The following SOX5 variants were observed in gnomAD, a reference collection of about 807,000 sequenced individuals.
SOX5 encodes the protein SRY-box transcription factor 5.
A neutral mutation model predicts 92.0 loss-of-function variants in SOX5; 9 were observed. That is an observed-to-expected ratio of 0.10 (90% confidence interval 0.06 to 0.17). The LOEUF is 0.17. SOX5 is among the 10% of genes least tolerant of loss of function. The pLI, the probability that SOX5 is intolerant of heterozygous loss-of-function variation, is 1.00. For synonymous variants in SOX5, 344 were observed against 336.3 expected, an observed-to-expected ratio of 1.02 and a Z score of -0.25; for missense variants, 642 against 944.5, an observed-to-expected ratio of 0.68 and a Z score of 4.20.
chr12:23,546,976 G>A (rs1943255213), intron 11 of SOX5, among the ~76,000 whole-genome samples: 2 of 152,184 alleles, frequency 1.3e-5, no homozygotes, highest in South Asian at 2.1e-4. Flanking sequence ...TACATCCAAT[G>A]TGAGTGCCTG....
intron 4 of SOX5, among the ~76,000 whole-genome samples, chr12:24,210,614 C>T (rs913889406): frequency 5.9e-5 from 9 of 152,140 alleles, no homozygotes; most frequent in African/African-American, 2.2e-4. Flanking sequence ...AAGTAACTAA[C>T]TGAATGCACA....
chr12:23,672,876 CTTG>C (rs1039098845), intron 6 of SOX5, among the ~76,000 whole-genome samples: 13 of 152,028 alleles, frequency 8.6e-5, no homozygotes, highest in Non-Finnish European at 1.0e-4. Flanking sequence ...CTTAAAAATT[CTTG>C]TTGTTTTATA....
chr12:23,774,227 A>C (rs888902551), intron 3 of SOX5, among the ~76,000 whole-genome samples: 16 of 152,334 alleles, frequency 1.1e-4, no homozygotes, highest in African/African-American at 3.8e-4. Flanking sequence ...TAACTGAAAT[A>C]ATTATTTATG....
chr12:23,844,888 G>A (rs948759690), intron 3 of SOX5, among the ~76,000 whole-genome samples: 1 of 152,160 alleles, frequency 6.6e-6, no homozygotes, highest in Non-Finnish European at 1.5e-5. Context: ...AGAATAGGAG[G>A]ACATGTAACA....
chr12:24,449,211 A>G (rs577036985), intron 1 of SOX5, among the ~76,000 whole-genome samples: 3 of 152,280 alleles, frequency 2.0e-5, no homozygotes, highest in East Asian at 3.9e-4. Context: ...AACCTCCAAC[A>G]GCTCACCAGC....
In SOX5 at chr12:23,533,751, G is replaced by C. The variant is rs1565577539; in HGVS notation, c.*468C>G. ...AAATGAAAGGAAAGAAAAAGAAAAGGAAAAAACCCAGAAACCCCAAAAAAC... is the reference window on the plus strand; with the variant it reads ...AAATGAAAGGAAAGAAAAAGAAAAGCAAAAAACCCAGAAACCCCAAAAAAC... On this transcript the variant is annotated 3_prime_UTR_variant, in exon 15 of 15. Coordinates refer to ENST00000451604, the MANE Select transcript of SOX5 (RefSeq NM_006940.6). 1 of 152,332 alleles carries C rather than the reference G, an allele frequency of 6.6e-6. No individual in the cohort carries two copies. The highest frequency in any genetic ancestry group is 2.4e-5 in the African/African-American group (1 of 41,326). The allele number at this position is 152,332 out of a possible 1,614,324, so 9.4% of individuals were successfully genotyped here. A position where few individuals can be genotyped will look rare whatever the true frequency, so the allele number is the denominator to read the frequency against.
chr12:24,314,818 G>A (rs1309292682), intron 2 of SOX5, among the ~76,000 whole-genome samples: 1 of 152,174 alleles, frequency 6.6e-6, no homozygotes, highest in Non-Finnish European at 1.5e-5. Context: ...CACCATGAAG[G>A]CAGGGATGTC....
At chr12:23,540,219 A>C (rs542930362) in intron 13 of SOX5, among the ~76,000 whole-genome samples, 16 of 152,060 alleles carry the variant, frequency 1.1e-4, no homozygotes, top group African/African-American at 3.6e-4. Flanking sequence ...GTTTTAGAAT[A>C]AAAAAGCAGA....
intron 2 of SOX5, among the ~76,000 whole-genome samples, chr12:24,325,406 G>C (rs1950583227): frequency 6.6e-6 from 1 of 152,090 alleles, no homozygotes; most frequent in Non-Finnish European, 1.5e-5. Context: ...TGATATTTCA[G>C]AGACATCTCA....
chr12:24,161,226 T>C (rs1416140910), intron 4 of SOX5, among the ~76,000 whole-genome samples: 1 of 152,120 alleles, frequency 6.6e-6, no homozygotes, highest in Non-Finnish European at 1.5e-5. Flanking sequence ...CATATAACCT[T>C]GGACAAACAA....
chr12:23,665,792 C>T (rs550380522), intron 6 of SOX5, among the ~76,000 whole-genome samples: 7 of 152,210 alleles, frequency 4.6e-5, no homozygotes, highest in Non-Finnish European at 8.8e-5. Context: ...TCTAACACGA[C>T]GAATAGTTTC....
intron 1 of SOX5, among the ~76,000 whole-genome samples, chr12:24,403,791 A>G (rs923191250): frequency 3.9e-5 from 6 of 152,242 alleles, no homozygotes; most frequent in Non-Finnish European, 8.8e-5. Context: ...CTCAATACGC[A>G]TATTTCTCAG....
chr12:24,541,695 C>G (rs1399409688), intron 1 of SOX5, among the ~76,000 whole-genome samples: 1 of 152,130 alleles, frequency 6.6e-6, no homozygotes, highest in East Asian at 1.9e-4. Context: ...TAGCATGGTA[C>G]AAGCTTAAAA....
At chr12:24,398,479 G>T (rs1229791482) in intron 1 of SOX5, among the ~76,000 whole-genome samples, 1 of 152,176 alleles carries the variant, frequency 6.6e-6, no homozygotes, top group Non-Finnish European at 1.5e-5. Flanking sequence ...ACTCCAGCCT[G>T]AAAGACAGAG....
intron 2 of SOX5, among the ~76,000 whole-genome samples, chr12:24,305,858 A>T (rs1318108260): frequency 6.6e-6 from 1 of 152,158 alleles, no homozygotes; most frequent in African/African-American, 2.4e-5. Flanking sequence ...CGGCCTCCCA[A>T]ACTGCTAAAA....
intron 2 of SOX5, among the ~76,000 whole-genome samples, chr12:23,873,610 G>A (rs1038563576): frequency 6.6e-6 from 1 of 152,076 alleles, no homozygotes; most frequent in Non-Finnish European, 1.5e-5. Flanking sequence ...CTCACCAACC[G>A]CTCAATTGTA....
intron 8 of SOX5, among the ~76,000 whole-genome samples, chr12:23,618,564 T>C (rs1046174854): frequency 1.3e-5 from 2 of 152,034 alleles, no homozygotes; most frequent in African/African-American, 4.8e-5. Context: ...TTGAAACACA[T>C]AAGGGGAGGA....
chr12:24,501,882 A>G (rs543164735), intron 1 of SOX5, among the ~76,000 whole-genome samples: 4 of 152,322 alleles, frequency 2.6e-5, no homozygotes, highest in Non-Finnish European at 5.9e-5. Flanking sequence ...TTTCTATTTC[A>G]TATGGTAAAT....
chr12:23,804,048 G>A (rs2095712557), intron 3 of SOX5, among the ~76,000 whole-genome samples: 3 of 152,032 alleles, frequency 2.0e-5, no homozygotes, highest in Admixed American at 2.0e-4. Flanking sequence ...TAATTAATAA[G>A]TATTCAACAA....
Sources: gnomAD v4.1 joint callset for allele counts (sites outside exome capture counted in the v4.1 genomes callset) on GRCh38, gnomAD v4.1.1 for gene constraint, MANE v1.5 for transcripts, NCBI Gene and HGNC (gene_info 2026-07-23, HGNC 2026-07-21) for gene names.